Variants in HECTD2 observed in about 807,000 individuals in gnomAD.
The protein encoded by HECTD2 is HECT domain E3 ubiquitin protein ligase 2, also known as probable E3 ubiquitin-protein ligase HECTD2.
A neutral mutation model predicts 103.2 loss-of-function variants in HECTD2; 35 were observed. The observed-to-expected ratio is 0.34, with a 90% CI of 0.26 to 0.45. HECTD2 has a LOEUF of 0.45. Among genes scored for constraint, HECTD2 ranks in the 20% least tolerant of loss-of-function variants. HECTD2 has a pLI of 1.00. For synonymous variants in HECTD2, 281 were observed against 329.9 expected (o/e 0.85, Z 1.61); for missense variants, 596 against 937.4 (o/e 0.64, Z 4.76).
rs144529733 is a variant in HECTD2, at chr10:91,434,377, C to T, written c.268+8967C>T. Among the ~76,000 whole-genome samples the T allele has an allele frequency of 1.4e-4, 22 of 152,076 alleles. 1 individual carries two copies. In the East Asian group the frequency reaches 3.9e-3, roughly 27 times the overall value. Reference sequence around the variant, plus strand: ...TCAACTTGTAGCTCATTTATTATTACCTGGCTGGTACTCACACGTTGTCAG... The same window carrying T: ...TCAACTTGTAGCTCATTTATTATTATCTGGCTGGTACTCACACGTTGTCAG... On this transcript the variant is annotated intron_variant, in intron 2 of 20. Transcript: ENST00000298068.
intron 8 of HECTD2, 143 bp downstream of exon 8, chr10:91,483,219 CA>C (rs1184166290): frequency 4.6e-6 from 2 of 437,594 alleles, no homozygotes; most frequent in Non-Finnish European, 8.0e-6. Context: ...AAGCCAGTTA[CA>C]AAAATCTACT....
chr10:91,485,127 A>T, intron 9 of HECTD2, 53 bp from the exon 10 acceptor site: 1 of 1,258,826 alleles, frequency 7.9e-7, no homozygotes, highest in South Asian at 1.5e-5. Context: ...TATTATTAGA[A>T]TGAATCTTGT....
At chr10:91,457,607 A>C (rs1422284337) in intron 2 of HECTD2, among the ~76,000 whole-genome samples, 1 of 152,082 alleles carries the variant, frequency 6.6e-6, no homozygotes, top group Admixed American at 6.6e-5. Context: ...TCATAATGAA[A>C]AAAATTAAAA....
intron 2 of HECTD2, among the ~76,000 whole-genome samples, chr10:91,459,722 C>T (rs528136766): frequency 6.6e-6 from 1 of 152,150 alleles, no homozygotes; most frequent in East Asian, 1.9e-4. Flanking sequence ...ACATTTCAGT[C>T]AAGAATAGAC....
At chr10:91,434,176 C>T (rs1198400692) in intron 2 of HECTD2, among the ~76,000 whole-genome samples, 3 of 151,722 alleles carry the variant, frequency 2.0e-5, no homozygotes, top group Non-Finnish European at 4.4e-5. Flanking sequence ...CTTCCTTTCT[C>T]TCTCCCACCT....
intron 5 of HECTD2, among the ~76,000 whole-genome samples, chr10:91,464,886 A>G (rs1026207422): frequency 3.3e-5 from 5 of 152,242 alleles, no homozygotes; most frequent in Admixed American, 6.5e-5. Flanking sequence ...AAAATTAAAT[A>G]TACAGATATG....
intron 15 of HECTD2, 53 bp from the exon 16 acceptor site, chr10:91,498,055 T>C: frequency 1.7e-6 from 2 of 1,205,276 alleles, no homozygotes. Flanking sequence ...CACTTCATTA[T>C]CCTAGCTAAT....
intron 7 of HECTD2, among the ~76,000 whole-genome samples, chr10:91,481,710 T>C (rs1846091796): frequency 6.6e-6 from 1 of 151,854 alleles, no homozygotes; most frequent in Admixed American, 6.6e-5. Context: ...AAGCAATTTT[T>C]ACTTTTTATT....
At chr10:91,438,518 T>C (rs1317282729) in intron 2 of HECTD2, among the ~76,000 whole-genome samples, 1 of 147,008 alleles carries the variant, frequency 6.8e-6, no homozygotes, top group East Asian at 1.9e-4. Context: ...TCTTTGCTAT[T>C]GCGAACAGTG....
intron 2 of HECTD2, among the ~76,000 whole-genome samples, chr10:91,455,434 G>C (rs1166057971): frequency 2.0e-5 from 3 of 151,998 alleles, no homozygotes; most frequent in Admixed American, 6.6e-5. Flanking sequence ...TTTTTTTCTT[G>C]TAAATGTGTT....
chr10:91,454,934 G>A (rs1343727182), intron 2 of HECTD2, among the ~76,000 whole-genome samples: 1 of 152,080 alleles, frequency 6.6e-6, no homozygotes, highest in African/African-American at 2.4e-5. Flanking sequence ...ATTCCATGGT[G>A]TATATGTGCC....
intron 2 of HECTD2, among the ~76,000 whole-genome samples, chr10:91,458,022 CAA>C (rs780908138): frequency 0.02 from 1,315 of 66,500 alleles, 25 homozygotes; most frequent in African/African-American, 0.068. Context: ...ATTGTCTATG[CAA>C]AAAAAAAAAA....
At chr10:91,459,682 A>G (rs1357122156) in intron 2 of HECTD2, among the ~76,000 whole-genome samples, 3 of 152,138 alleles carry the variant, frequency 2.0e-5, no homozygotes, top group African/African-American at 7.2e-5. Flanking sequence ...TAAAAGACTT[A>G]CAGAGGACGT....
In HECTD2 at chr10:91,481,102, C is replaced by G; in HGVS notation, c.674C>G (p.Thr225Arg). The G allele has an allele frequency of 2.0e-6, 3 of 1,510,924 alleles. No individual in the cohort carries two copies. Among genetic ancestry groups the G allele is most frequent in the Admixed American group, 3.7e-5 (2 of 53,958 alleles). 93.6% of individuals were successfully genotyped at this position (1,510,924 alleles called of 1,614,324 possible). ...SLLREWKGPR[T>R]KDDLRAYFIL... ...TCTTGTTTCTTTTTCAGTCCACGAA[C>G]AAAAGATGATCTTAGAGCATATTTT... Residue 225 changes from threonine (T) to arginine (R), a missense_variant, in exon 7 of 21, where the codon ACA (threonine) becomes AGA (arginine). Thr to Arg is a moderately conservative substitution (Grantham distance 71). Around this residue, in one of 4 missense-constraint regions of HECTD2, gnomAD observed 303 missense variants for 522.5 expected, o/e 0.58. Coordinates refer to ENST00000298068, the MANE Select transcript of HECTD2 (RefSeq NM_182765.6).
chr10:91,468,297 G>A (rs1417003806), intron 5 of HECTD2, among the ~76,000 whole-genome samples: 5 of 152,140 alleles, frequency 3.3e-5, no homozygotes, highest in African/African-American at 9.7e-5. Context: ...GTGCTGAGCT[G>A]AGCCTTGGCC....
chr10:91,430,272 AT>A (rs1843785584), intron 2 of HECTD2, among the ~76,000 whole-genome samples: 1 of 150,816 alleles, frequency 6.6e-6, no homozygotes, highest in Admixed American at 6.6e-5. Flanking sequence ...GTTCTTTTAC[AT>A]TTGCTGAGGA....
chr10:91,455,922 AT>A (rs1845068111), intron 2 of HECTD2, among the ~76,000 whole-genome samples: 1 of 148,842 alleles, frequency 6.7e-6, no homozygotes, highest in African/African-American at 2.5e-5. Flanking sequence ...GTTCTGTTCC[AT>A]TGGTCTATAT....
rs147397267 is a variant in HECTD2, at chr10:91,474,884, T to A, written c.601-3317T>A. 1.2e-3 allele frequency among the ~76,000 whole-genome samples: 184 copies of A among 152,222 alleles called. 1 individual carries two copies. Among genetic ancestry groups the A allele is most frequent in the Admixed American group, 2.9e-3 (45 of 15,298 alleles). On this transcript the variant is annotated intron_variant, in intron 5 of 20. Coordinates refer to ENST00000298068, the MANE Select transcript of HECTD2 (RefSeq NM_182765.6). ...GGCCTCTGTAAGGCAACAATTGAGG[T>A]CTTAATGATGAAAATAACTGAAACC...
chr10:91,499,254 A>T (rs1846797981), intron 18 of HECTD2, 104 bp downstream of exon 18: 10 of 633,444 alleles, frequency 1.6e-5, no homozygotes, highest in Non-Finnish European at 2.6e-5. Flanking sequence ...TAAAATAGAA[A>T]ATATTTTCTA....
Sources: gnomAD v4.1 joint callset for allele counts (sites outside exome capture counted in the v4.1 genomes callset) on GRCh38, gnomAD v4.1.1 for gene constraint, gnomAD v4.1.1 regional missense constraint, MANE v1.5 for transcripts, NCBI Gene and HGNC (gene_info 2026-07-23, HGNC 2026-07-21) for gene names.